SGCZ: variants seen among roughly 807,000 people sequenced by gnomAD.
SGCZ encodes zeta-sarcoglycan.
Under a neutral mutation model 41.3 loss-of-function variants are expected in SGCZ, and 40 were observed. That is an observed-to-expected ratio of 0.97 (90% CI 0.75 to 1.26). The LOEUF (loss-of-function observed/expected upper bound fraction) is 1.26. SGCZ is among the 50% of genes most tolerant of loss of function. SGCZ has a pLI of 0.00. For missense variants in SGCZ, 552 were observed against 369.8 expected, an observed-to-expected ratio of 1.49 and a Z score of -4.04; for synonymous variants, 206 against 137.5, an observed-to-expected ratio of 1.50 and a Z score of -3.49.
chr8:14,364,221 A>G (rs993366896), intron 2 of SGCZ, among the ~76,000 whole-genome samples: 3 of 152,196 alleles, frequency 2.0e-5, no homozygotes, highest in Admixed American at 2.0e-4. Flanking sequence ...TAGAGCTTTT[A>G]ATGTTATGTA....
chr8:14,885,995 A>T (rs1333904803), intron 1 of SGCZ, among the ~76,000 whole-genome samples: 1 of 70,586 alleles, frequency 1.4e-5, no homozygotes, highest in Non-Finnish European at 3.0e-5. Context: ...TTATATATAT[A>T]TATATATATA....
Position 15,174,908 on chromosome 8 carries a change from T to G in SGCZ, c.39+62677A>C, listed in dbSNP as rs1163240784. 6.6e-3 allele frequency among the ~76,000 whole-genome samples: 1,004 copies of G among 152,200 alleles called. 12 individuals are homozygous for G. Among genetic ancestry groups the G allele is most frequent in the African/African-American group, 0.023 (965 of 41,522 alleles). ...TACACACTGTTGGGAGGAGTGTAAA[T>G]TAATTCAACTGTCATGGAAAACAGT... On this transcript the variant is annotated intron_variant, in intron 1 of 7. Transcript: ENST00000382080.
intron 2 of SGCZ, among the ~76,000 whole-genome samples, chr8:14,473,675 A>G (rs1193385823): frequency 6.6e-6 from 1 of 152,092 alleles, no homozygotes; most frequent in African/African-American, 2.4e-5. Context: ...AGGTGTCTCA[A>G]GCCTGTAATC....
rs1585262248 is a variant in SGCZ at position 14,790,144 on chromosome 8, G to C, written c.40-235218C>G. ...TGCATGTATGTGTTCATTAGAAATAGGAAATGTGAAAGACGACTTTCTGAG... is the reference window on the plus strand; with the variant it reads ...TGCATGTATGTGTTCATTAGAAATACGAAATGTGAAAGACGACTTTCTGAG... On this transcript the variant is annotated intron_variant, in intron 1 of 7. Transcript: ENST00000382080. 5.9e-5 allele frequency among the ~76,000 whole-genome samples: 9 copies of C among 152,240 alleles called. No homozygotes were observed. The South Asian group carries it at 1.9e-3, about 32-fold the overall frequency.
At chr8:14,399,239 T>G (rs1037936) in intron 2 of SGCZ, among the ~76,000 whole-genome samples, 1 of 151,946 alleles carries the variant, frequency 6.6e-6, no homozygotes, top group African/African-American at 2.4e-5. Context: ...TATTGAGATT[T>G]TTGTATAATA....
chr8:14,143,122 T>TA (rs1272025139), intron 5 of SGCZ, among the ~76,000 whole-genome samples: 7 of 151,928 alleles, frequency 4.6e-5, no homozygotes, highest in South Asian at 2.1e-4. Context: ...CCAATTCAAA[T>TA]AATAAAAATA....
chr8:14,535,845 C>T (rs577633318), intron 2 of SGCZ, among the ~76,000 whole-genome samples: 2 of 151,624 alleles, frequency 1.3e-5, no homozygotes, highest in South Asian at 2.1e-4. Flanking sequence ...GAGAAAAATT[C>T]ATGAAGTAAT....
intron 3 of SGCZ, among the ~76,000 whole-genome samples, chr8:14,283,901 C>T (rs543894075): frequency 1.3e-5 from 2 of 152,182 alleles, no homozygotes; most frequent in South Asian, 4.2e-4. Flanking sequence ...ACCTAAGAAA[C>T]TTTTGTAGAA....
At chr8:14,434,567 A>C (rs984954957) in intron 2 of SGCZ, among the ~76,000 whole-genome samples, 11 of 152,078 alleles carry the variant, frequency 7.2e-5, no homozygotes, top group African/African-American at 2.7e-4. Flanking sequence ...CAGTGTGGTC[A>C]TTTTCACAAT....
intron 5 of SGCZ, among the ~76,000 whole-genome samples, chr8:14,157,353 T>TGTGA (rs918128185): frequency 1.5e-5 from 2 of 132,242 alleles, no homozygotes; most frequent in East Asian, 3.1e-4. Context: ...TGTGTGTGTG[T>TGTGA]GTGTGTGTGT....
chr8:14,612,334 C>T (rs890930806), intron 1 of SGCZ, among the ~76,000 whole-genome samples: 24 of 152,184 alleles, frequency 1.6e-4, no homozygotes, highest in African/African-American at 5.3e-4. Context: ...TTGGCATTTC[C>T]CTCTGTCCTC....
At chr8:14,849,510 G>T (rs1227419579) in intron 1 of SGCZ, among the ~76,000 whole-genome samples, 3 of 151,892 alleles carry the variant, frequency 2.0e-5, no homozygotes, top group Non-Finnish European at 4.4e-5. Flanking sequence ...ACTACAACAT[G>T]GTTTGATCTC....
intron 1 of SGCZ, among the ~76,000 whole-genome samples, chr8:15,102,232 A>C (rs1252344805): frequency 6.6e-6 from 1 of 152,232 alleles, no homozygotes; most frequent in Non-Finnish European, 1.5e-5. Flanking sequence ...ATAACAAATT[A>C]GCTTCCAAGC....
At chr8:14,374,870 A>T (rs1804055153) in intron 2 of SGCZ, among the ~76,000 whole-genome samples, 1 of 152,212 alleles carries the variant, frequency 6.6e-6, no homozygotes. Context: ...GTACATCCTG[A>T]TGAAGTCTAA....
At chr8:14,334,420 G>T (rs974165511) in intron 2 of SGCZ, among the ~76,000 whole-genome samples, 6 of 152,026 alleles carry the variant, frequency 3.9e-5, no homozygotes, top group African/African-American at 1.4e-4. Context: ...TGTGCACCTA[G>T]TTAGCTACTC....
chr8:14,277,844 AT>A (rs1210852014), intron 3 of SGCZ, among the ~76,000 whole-genome samples: 1 of 152,090 alleles, frequency 6.6e-6, no homozygotes, highest in African/African-American at 2.4e-5. Context: ...TTGTCTTAAA[AT>A]CCCCCCTTTA....
At chr8:14,300,823 G>C (rs181656205) in intron 3 of SGCZ, among the ~76,000 whole-genome samples, 1 of 151,880 alleles carries the variant, frequency 6.6e-6, no homozygotes, top group Non-Finnish European at 1.5e-5. Flanking sequence ...CAGGCTATTT[G>C]TTTCCTTGCT....
intron 2 of SGCZ, among the ~76,000 whole-genome samples, chr8:14,449,885 C>A (rs954852485): frequency 5.3e-5 from 8 of 152,068 alleles, no homozygotes; most frequent in African/African-American, 7.2e-5. Context: ...ACCTTCTTCA[C>A]CATCGTAAAC....
chr8:14,123,188 C>A (rs1448315766), intron 5 of SGCZ, among the ~76,000 whole-genome samples: 2 of 152,126 alleles, frequency 1.3e-5, no homozygotes, highest in Non-Finnish European at 2.9e-5. Flanking sequence ...ATCTGCCAAA[C>A]AATAAAGGGG....
Sources: allele counts gnomAD v4.1 joint callset (sites outside exome capture counted in the v4.1 genomes callset), GRCh38; gene constraint gnomAD v4.1.1; transcripts MANE v1.5; gene names NCBI Gene and HGNC (gene_info 2026-07-23, HGNC 2026-07-21).